Variants in BTAF1 observed in about 807,000 individuals in gnomAD.
BTAF1 encodes TATA-binding protein-associated factor 172.
A neutral mutation model predicts 227.1 loss-of-function variants in BTAF1; 38 were observed. That is an observed-to-expected ratio of 0.17 (90% CI 0.13 to 0.22). The LOEUF is 0.22. BTAF1 is among the 10% of genes least tolerant of loss of function. BTAF1 has a pLI of 1.00. For missense variants in BTAF1, 1,598 were observed against 2,204.0 expected (o/e 0.73, Z 5.51); for synonymous variants, 742 against 751.9 (o/e 0.99, Z 0.21).
intron 1 of BTAF1, among the ~76,000 whole-genome samples, chr10:91,924,509 C>G (rs1564647762): frequency 6.6e-6 from 1 of 152,184 alleles, no homozygotes; most frequent in Non-Finnish European, 1.5e-5. Context: ...AAGAGACCGT[C>G]TAATTATGTT....
intron 1 of BTAF1, among the ~76,000 whole-genome samples, chr10:91,926,244 A>C (rs1843820207): frequency 6.6e-6 from 1 of 152,234 alleles, no homozygotes; most frequent in South Asian, 2.1e-4. Context: ...CCAGGAGATA[A>C]AAATCATATG....
rs372492834 is a variant in BTAF1 at position 92,025,433 on chromosome 10, CTT to C, written c.5075+475_5075+476del. ...TCTACTTTTAAAATCTCAGTGGTTG[CTT>C]TTTTTTTTAAAAAAAAAATGCAGAT... is the stretch of plus-strand genomic sequence containing the variant. On this transcript the variant is annotated intron_variant, in intron 35 of 37. Coordinates refer to ENST00000265990, the MANE Select transcript of BTAF1 (RefSeq NM_003972.3). Among the ~76,000 whole-genome samples, 635 of 150,124 alleles carry C rather than the reference CTT, an allele frequency of 4.2e-3. 3 individuals carry two copies. The highest frequency in any genetic ancestry group is 8.0e-3 in the Non-Finnish European group (537 of 67,528).
At chr10:91,943,239 G>A (rs10882004) in intron 4 of BTAF1, among the ~76,000 whole-genome samples, 41,485 of 151,422 alleles carry the variant, frequency 0.27, 6,918 homozygotes, top group Non-Finnish European at 0.38. Flanking sequence ...GCTTGAACTT[G>A]GGAGGCGGAG....
intron 25 of BTAF1, among the ~76,000 whole-genome samples, chr10:91,999,283 A>T (rs565064661): frequency 2.7e-4 from 41 of 152,200 alleles, no homozygotes; most frequent in African/African-American, 9.9e-4. Context: ...TATAAATAGG[A>T]TAGCCTCTTT....
chr10:91,940,672 T>C (rs1199475030), intron 3 of BTAF1, among the ~76,000 whole-genome samples: 1 of 151,926 alleles, frequency 6.6e-6, no homozygotes, highest in African/African-American at 2.4e-5. Context: ...TTTTGTTTTA[T>C]TTTATTTATT....
rs1846103669 is a variant in BTAF1, at chr10:91,956,598, G to A, written c.772G>A (p.Ala258Thr). The A allele has an allele frequency of 6.2e-7, 1 of 1,608,216 alleles. No individual in the cohort carries two copies. Among genetic ancestry groups the A allele is most frequent in the Non-Finnish European group, 8.5e-7 (1 of 1,177,968 alleles). The change falls in exon 7 of 38, where the codon GCA becomes ACA. Residue 258 changes from alanine to threonine, a missense_variant. By Grantham distance (58) the Ala-to-Thr change is moderately conservative. Transcript: ENST00000265990. ...AGCAAATGTTGTTATTAATCAGTCTGCAAATGATTCCAAAGTCTTGATTGA... is the reference window on the plus strand; with the variant it reads ...AGCAAATGTTGTTATTAATCAGTCTACAAATGATTCCAAAGTCTTGATTGA... ...KIANVVINQS[A>T]NDSKVLIDNI...
At position 91,966,638 on chromosome 10, in the gene BTAF1, A is replaced by G. The variant is rs1846940698; in HGVS notation, c.1531A>G (p.Ile511Val). ...LTYPQVQQCS[I>V]QQSLTVLVPR... ...ATTAATTTGTGTCTTCTTTATTAGT[A>G]TTCAGCAGTCACTGACAGTTTTAGT... Residue 511 changes from isoleucine to valine, a missense_variant and splice_region_variant, in exon 14 of 38, where the codon ATT becomes GTT. Transcript: ENST00000265990. 6.2e-7 allele frequency: 1 copy of G among 1,613,344 alleles called. No individual in the cohort carries two copies. Among genetic ancestry groups the G allele is most frequent in the Non-Finnish European group, 8.5e-7 (1 of 1,179,668 alleles).
chr10:91,933,137 G>C, intron 1 of BTAF1, among the ~76,000 whole-genome samples: 1 of 152,210 alleles, frequency 6.6e-6, no homozygotes, highest in East Asian at 1.9e-4. Context: ...AGGGGTGTGA[G>C]AGACATTCTG....
Position 92,008,913 on chromosome 10 carries a change from C to T in BTAF1, c.3898C>T (p.Gln1300Ter). Residue 1300 changes from glutamine to a stop codon, truncating the protein, a stop_gained, in exon 27 of 38, where the codon CAG (glutamine) becomes TAG (stop). Coordinates refer to ENST00000265990, the MANE Select transcript of BTAF1 (RefSeq NM_003972.3). LOFTEE classifies it high-confidence loss of function. Reference protein sequence around the residue: ...CDDMGLGKTLQSICILAGDHC... With the variant: ...CDDMGLGKTL Reference sequence around the variant, plus strand: ...TGACATGGGTTTAGGAAAAACTTTACAGTCCATCTGCATTCTAGCAGGAGA... The same window carrying T: ...TGACATGGGTTTAGGAAAAACTTTATAGTCCATCTGCATTCTAGCAGGAGA... 1 of 1,613,820 alleles carries T rather than the reference C, an allele frequency of 6.2e-7. No homozygotes were observed. The highest frequency in any genetic ancestry group is 8.5e-7 in the Non-Finnish European group (1 of 1,179,860).
Position 92,009,083 on chromosome 10 carries a change from A to C in BTAF1, c.3978A>C (p.Pro1326=). 1 of 1,614,170 alleles carries C rather than the reference A, an allele frequency of 6.2e-7. No individual in the cohort carries two copies. Among genetic ancestry groups the C allele is most frequent in the Non-Finnish European group, 8.5e-7 (1 of 1,180,006 alleles). ...YARSKLAECM[P]LPSLVVCPPT... ...GATCAAAATTAGCAGAATGTATGCC[A>C]CTTCCTTCCTTAGTGGTTTGTCCGC... is the stretch of plus-strand genomic sequence containing the variant. The change falls in exon 28 of 38, where the codon CCA becomes CCC. Residue 1326 remains proline (P), a synonymous_variant. Coordinates refer to ENST00000265990, the MANE Select transcript of BTAF1 (RefSeq NM_003972.3).
chr10:91,973,819 G>A (rs1230795930), intron 14 of BTAF1, among the ~76,000 whole-genome samples: 3 of 149,782 alleles, frequency 2.0e-5, no homozygotes, highest in Non-Finnish European at 4.5e-5. Flanking sequence ...CAGGAGAATG[G>A]CGTGAACCCG....
chr10:92,024,732 G>GTTTTTTGTT lies in BTAF1; in HGVS notation c.4864-18_4864-17insGTTTTTTTT, dbSNP rs1554870029. 2.3e-4 allele frequency: 296 copies of GTTTTTTGTT among 1,268,042 alleles called. 3 individuals carry two copies. In the South Asian group the frequency reaches 3.7e-3, roughly 16 times the overall value. 78.5% of individuals were successfully genotyped at this position (1,268,042 alleles called of 1,614,324 possible). A position where few individuals can be genotyped will look rare whatever the true frequency, so the allele number is the denominator to read the frequency against. On this transcript the variant is annotated intron_variant, in intron 34 of 37. Coordinates refer to ENST00000265990, the MANE Select transcript of BTAF1 (RefSeq NM_003972.3). ...TCTGCTTTTATTGAACGCTTATGTA[G>GTTTTTTGTT]TTTTTTTTTTTTTTCTTCCTAAGTT...
Position 91,935,751 on chromosome 10 carries a change from C to G in BTAF1, c.109C>G (p.Pro37Ala). Residue 37 changes from proline (P) to alanine (A), a missense_variant, in exon 2 of 38, where the codon CCC becomes GCC. Physicochemically the swap from Pro to Ala is conservative, Grantham distance 27 (BLOSUM62 -1). This residue lies in a region of BTAF1 where 298 missense variants were observed against 395.2 expected (regional missense o/e 0.75). Transcript: ENST00000265990. ...QQLGEVVKLH[P>A]HELNNLLSKV... Reference sequence around the variant, plus strand: ...ACTTGGAGAAGTGGTGAAGCTTCATCCCCATGAACTAAATAATCTCCTGTC... The same window carrying G: ...ACTTGGAGAAGTGGTGAAGCTTCATGCCCATGAACTAAATAATCTCCTGTC... 6.2e-7 allele frequency: 1 copy of G among 1,612,430 alleles called. No homozygotes were observed. Among genetic ancestry groups the G allele is most frequent in the Non-Finnish European group, 8.5e-7 (1 of 1,178,976 alleles).
intron 34 of BTAF1, among the ~76,000 whole-genome samples, chr10:92,023,610 GGAGTTGGAGGTTGCA>G (rs1362738673): frequency 2.6e-5 from 4 of 152,176 alleles, no homozygotes; most frequent in African/African-American, 9.7e-5. Flanking sequence ...CTCGAACCTA[GGAGTTGGAGGTTGCA>G]GTGAGCCAAG....
intron 32 of BTAF1, among the ~76,000 whole-genome samples, chr10:92,015,697 A>G (rs1850672173): frequency 6.6e-6 from 1 of 152,222 alleles, no homozygotes; most frequent in Admixed American, 6.5e-5. Flanking sequence ...CAATCTAGAG[A>G]AAGCGAGCTC....
At chr10:91,931,036 C>A (rs1233746241) in intron 1 of BTAF1, among the ~76,000 whole-genome samples, 1 of 152,132 alleles carries the variant, frequency 6.6e-6, no homozygotes, top group African/African-American at 2.4e-5. Context: ...TTAACTATGA[C>A]GTAGTAATCT....
rs748875115 is a variant in BTAF1, at chr10:92,016,408, T to C, written c.4653T>C (p.Ala1551=). Residue 1551 remains alanine (A), a synonymous_variant, in exon 33 of 38, where the codon GCT becomes GCC. Coordinates refer to ENST00000265990, the MANE Select transcript of BTAF1 (RefSeq NM_003972.3). ...KCDVDETVSS[A]TLSEETEKPK... ...ATGTTGATGAAACAGTTTCTTCAGC[T>C]ACACTTTCTGAAGAAACTGAAAAAC... The C allele has an allele frequency of 4.4e-6, 7 of 1,599,370 alleles. No homozygotes were observed. The South Asian group carries it at 6.9e-5, about 16-fold the overall frequency.
At chr10:91,992,411 T>TA in intron 21 of BTAF1, 102 bp downstream of exon 21, 1 of 1,135,860 alleles carries the variant, frequency 8.8e-7, no homozygotes, top group Non-Finnish European at 1.2e-6. Flanking sequence ...TGTTTTTAAG[T>TA]AAAGAAATGG....
chr10:91,927,849 C>T (rs1843960260), intron 1 of BTAF1, among the ~76,000 whole-genome samples: 1 of 152,172 alleles, frequency 6.6e-6, no homozygotes, highest in African/African-American at 2.4e-5. Context: ...GACTTTCCAG[C>T]ATCCGCATCT....
Sources: allele counts gnomAD v4.1 joint callset (sites outside exome capture counted in the v4.1 genomes callset), GRCh38; gene constraint gnomAD v4.1.1; regional missense constraint gnomAD v4.1.1; transcripts MANE v1.5; gene names NCBI Gene and HGNC (gene_info 2026-07-23, HGNC 2026-07-21).